The following RAB3GAP2 variants were observed in gnomAD, a reference collection of about 807,000 sequenced individuals.
RAB3GAP2 encodes the protein RAB3 GTPase activating non-catalytic protein subunit 2.
RAB3GAP2 carries 87 observed loss-of-function variants against 185.3 expected under a neutral mutation model. The ratio of observed to expected loss-of-function variants is 0.47; its 90% CI spans 0.39 to 0.56. RAB3GAP2 has a LOEUF of 0.56. Ranked by LOEUF, RAB3GAP2 falls within the 20% of genes least tolerant of loss-of-function variation. The probability of loss-of-function intolerance (pLI) is 0.00; values close to 1 mark genes in which losing one functional copy is unlikely to be tolerated. For synonymous variants in RAB3GAP2, 554 were observed against 576.1 expected (o/e 0.96, Z 0.55); for missense variants, 1,492 against 1,638.2 (o/e 0.91, Z 1.54).
intron 9 of RAB3GAP2, among the ~76,000 whole-genome samples, chr1:220,201,261 G>A (rs1658852650): frequency 6.6e-6 from 1 of 151,850 alleles, no homozygotes; most frequent in African/African-American, 2.4e-5. Flanking sequence ...GCCCAGGTTG[G>A]TCTTGAACTC....
chr1:220,244,846 T>A (rs893418202), intron 1 of RAB3GAP2, among the ~76,000 whole-genome samples: 1 of 151,946 alleles, frequency 6.6e-6, no homozygotes, highest in Admixed American at 6.6e-5. Flanking sequence ...AAGACTTAAA[T>A]CTAAAACCTG....
chr1:220,183,040 C>T, intron 19 of RAB3GAP2, 109 bp from the exon 20 acceptor site: 2 of 813,350 alleles, frequency 2.5e-6, no homozygotes, highest in East Asian at 2.7e-5. Context: ...TAATATAATA[C>T]CTATCATGTA....
intron 9 of RAB3GAP2, among the ~76,000 whole-genome samples, chr1:220,198,000 C>T (rs1658762244): frequency 6.6e-6 from 1 of 152,106 alleles, no homozygotes; most frequent in African/African-American, 2.4e-5. Flanking sequence ...CCAGAAACTC[C>T]CTGCAGTAAT....
In RAB3GAP2 at chr1:220,205,900, A is replaced by T. The variant is rs1476149032; in HGVS notation, c.712+7T>A. The stretch of plus-strand genomic sequence containing the variant: ...CAGAGGTTAAATATTTCTTGCCAAA[A>T]TATTACCTTTTGCTACCTGATTTCG... On this transcript the variant is annotated splice_region_variant and intron_variant, in intron 8 of 34. Transcript: ENST00000358951. 6.4e-6 allele frequency: 10 copies of T among 1,571,666 alleles called. No homozygotes were observed. The highest frequency in any genetic ancestry group is 8.8e-6 in the Non-Finnish European group (10 of 1,142,182).
chr1:220,246,376 T>C (rs922201366), intron 1 of RAB3GAP2, among the ~76,000 whole-genome samples: 2 of 146,954 alleles, frequency 1.4e-5, no homozygotes, highest in African/African-American at 5.1e-5. Flanking sequence ...TCCTCAGGGA[T>C]CTAGAACTAG....
chr1:220,199,253 A>G (rs981783036), intron 9 of RAB3GAP2, among the ~76,000 whole-genome samples: 1 of 152,214 alleles, frequency 6.6e-6, no homozygotes, highest in Non-Finnish European at 1.5e-5. Flanking sequence ...GAAATTATTC[A>G]GTAGGGAGCT....
At position 220,151,410 on chromosome 1, in the gene RAB3GAP2, C is replaced by G; in HGVS notation, c.4027-4G>C. ...TGTTTTGAAGGTCCTGGGGGTCCTG[C>G]AAATGGGACACAAAAATAACCTATT... is the stretch of plus-strand genomic sequence containing the variant. On this transcript the variant is annotated splice_region_variant and splice_polypyrimidine_tract_variant and intron_variant, in intron 34 of 34. Coordinates refer to ENST00000358951, the MANE Select transcript of RAB3GAP2 (RefSeq NM_012414.4). 1 of 1,614,070 alleles carries G rather than the reference C, an allele frequency of 6.2e-7. No homozygotes were observed. Among genetic ancestry groups the G allele is most frequent in the Non-Finnish European group, 8.5e-7 (1 of 1,180,000 alleles).
intron 27 of RAB3GAP2, among the ~76,000 whole-genome samples, chr1:220,162,585 A>C (rs1657983274): frequency 6.6e-6 from 1 of 152,170 alleles, no homozygotes. Context: ...GGCTAAGAAC[A>C]ATTTTTAAAT....
At chr1:220,196,045 T>C (rs908076748) in intron 10 of RAB3GAP2, 2 of 599,416 alleles carry the variant, frequency 3.3e-6, no homozygotes, top group African/African-American at 3.7e-5. Flanking sequence ...AAACAAAGAA[T>C]TTCCTTTTAT....
intron 1 of RAB3GAP2, among the ~76,000 whole-genome samples, chr1:220,269,503 C>T (rs1326502459): frequency 6.6e-6 from 1 of 152,150 alleles, no homozygotes; most frequent in South Asian, 2.1e-4. Flanking sequence ...GCAGGTGGAT[C>T]GCAAGGTCAG....
At chr1:220,233,949 C>T (rs1245129891) in intron 1 of RAB3GAP2, among the ~76,000 whole-genome samples, 1 of 152,226 alleles carries the variant, frequency 6.6e-6, no homozygotes, top group Non-Finnish European at 1.5e-5. Flanking sequence ...GATCCACCCA[C>T]CTTGGCCTCC....
At chr1:220,217,700 T>A (rs1659224758) in intron 2 of RAB3GAP2, among the ~76,000 whole-genome samples, 1 of 152,206 alleles carries the variant, frequency 6.6e-6, no homozygotes, top group Non-Finnish European at 1.5e-5. Context: ...ATATATTATC[T>A]ATTCTTACAC....
intron 21 of RAB3GAP2, among the ~76,000 whole-genome samples, chr1:220,174,759 T>G (rs1658255752): frequency 6.6e-6 from 1 of 152,218 alleles, no homozygotes; most frequent in African/African-American, 2.4e-5. Context: ...ATTAACAGCT[T>G]TATATGTATA....
Position 220,171,918 on chromosome 1 carries a change from G to C in RAB3GAP2, c.2548C>G (p.Gln850Glu), listed in dbSNP as rs1421883243. 2 of 1,614,022 alleles carry C rather than the reference G, an allele frequency of 1.2e-6. No individual in the cohort carries two copies. The highest frequency in any genetic ancestry group is 1.1e-5 in the South Asian group (1 of 91,072). Residue 850 changes from glutamine (Q) to glutamate (E), a missense_variant, in exon 23 of 35, where the codon CAG becomes GAG. Transcript: ENST00000358951. The stretch of plus-strand genomic sequence containing the variant: ...TTCTCTGTCATGTTGTTTGATATCT[G>C]TGCAGCAACAGAATGCCCAACATGC... ...SAHVGHSVAA[Q>E]ISNNMTEKKF...
intron 2 of RAB3GAP2, among the ~76,000 whole-genome samples, chr1:220,221,983 C>T (rs1659314468): frequency 6.6e-6 from 1 of 152,196 alleles, no homozygotes; most frequent in Non-Finnish European, 1.5e-5. Flanking sequence ...TATGTTGTTA[C>T]TGTCATTTTG....
Position 220,149,585 on chromosome 1 carries a change from A to AGAT in RAB3GAP2, c.*1663_*1665dup, listed in dbSNP as rs1173830942. ...AACAAGTGACTGTTAACACAGAGCCAGATATGTTTACAAGAATTCTAGGAT... is the reference window on the plus strand; with the variant it reads ...AACAAGTGACTGTTAACACAGAGCCAGATGATATGTTTACAAGAATTCTAGGAT... On this transcript the variant is annotated 3_prime_UTR_variant, in exon 35 of 35. Coordinates refer to ENST00000358951, the MANE Select transcript of RAB3GAP2 (RefSeq NM_012414.4). 2 of 152,226 alleles carry AGAT rather than the reference A, an allele frequency of 1.3e-5. No homozygotes were observed. The highest frequency in any genetic ancestry group is 4.8e-5 in the African/African-American group (2 of 41,458). 9.4% of individuals were successfully genotyped at this position (152,226 alleles called of 1,614,324 possible).
chr1:220,238,056 GT>G (rs1161066421), intron 1 of RAB3GAP2, among the ~76,000 whole-genome samples: 2 of 151,948 alleles, frequency 1.3e-5, no homozygotes, highest in East Asian at 3.9e-4. Flanking sequence ...GTTTAGTTTA[GT>G]TTTGAGAAGG....
intron 7 of RAB3GAP2, among the ~76,000 whole-genome samples, chr1:220,209,504 C>T (rs769356497): frequency 5.3e-5 from 8 of 152,098 alleles, no homozygotes; most frequent in Non-Finnish European, 1.2e-4. Flanking sequence ...AAATTGAACT[C>T]CTCTTTCTCT....
rs1232753900 is a variant in RAB3GAP2 at position 220,182,303 on chromosome 1, A to C, written c.2264T>G (p.Met755Arg). 4 of 1,614,024 alleles carry C rather than the reference A, an allele frequency of 2.5e-6. No homozygotes were observed. Among genetic ancestry groups the C allele is most frequent in the Non-Finnish European group, 3.4e-6 (4 of 1,180,012 alleles). Reference protein sequence around the residue: ...CLHGESSTEDMCHTLESAGLS... With the variant: ...CLHGESSTEDRCHTLESAGLS... ...ACCAGCCGACTCCAAAGTGTGACACATATCCTCAGTGGAGCTTTCTCCATG... is the reference window on the plus strand; with the variant it reads ...ACCAGCCGACTCCAAAGTGTGACACCTATCCTCAGTGGAGCTTTCTCCATG... The change falls in exon 21 of 35, where the codon ATG becomes AGG. Residue 755 changes from methionine to arginine, a missense_variant. Physicochemically the swap from Met to Arg is moderately conservative, Grantham distance 91. Around this residue, in one of 5 missense-constraint regions of RAB3GAP2, gnomAD observed 681 missense variants for 689.1 expected, o/e 0.99. Transcript: ENST00000358951.
Sources: gnomAD v4.1 joint callset for allele counts (sites outside exome capture counted in the v4.1 genomes callset) on GRCh38, gnomAD v4.1.1 for gene constraint, gnomAD v4.1.1 regional missense constraint, MANE v1.5 for transcripts, NCBI Gene and HGNC (gene_info 2026-07-23, HGNC 2026-07-21) for gene names.